The following ROBO1 variants were observed in gnomAD, a reference collection of about 807,000 sequenced individuals.
ROBO1 encodes roundabout guidance receptor 1.
A neutral mutation model predicts 195.9 loss-of-function variants in ROBO1; 149 were observed. That is an observed-to-expected ratio of 0.76 (90% CI 0.67 to 0.87). The LOEUF (loss-of-function observed/expected upper bound fraction) is 0.87, where lower values mean the gene tolerates loss of function less well. ROBO1 is among the 40% of genes least tolerant of loss of function. The pLI is 0.00. For synonymous variants in ROBO1, 816 were observed against 733.2 expected (o/e 1.11, Z -1.82); for missense variants, 1,933 against 2,068.3 (o/e 0.93, Z 1.27).
chr3:79,355,191 A>AAACAAAC (rs2035501087), intron 2 of ROBO1, among the ~76,000 whole-genome samples: 3 of 151,734 alleles, frequency 2.0e-5, no homozygotes, highest in Non-Finnish European at 4.4e-5. Flanking sequence ...AACAAACAAA[A>AAACAAAC]AAAAAACCAT....
Position 78,662,124 on chromosome 3 carries a change from G to A in ROBO1, c.1967-10C>T. On this transcript the variant is annotated splice_polypyrimidine_tract_variant and intron_variant, in intron 14 of 30. Coordinates refer to ENST00000464233, the MANE Select transcript of ROBO1 (RefSeq NM_002941.4). Reference sequence around the variant, plus strand: ...CTTGTTGGTAGGACATCTACAACAAGTCAAGAAAACTGTGTCAGGGTCTGC... The same window carrying A: ...CTTGTTGGTAGGACATCTACAACAAATCAAGAAAACTGTGTCAGGGTCTGC... 2 of 1,552,632 alleles carry A rather than the reference G, an allele frequency of 1.3e-6. No homozygotes were observed. The highest frequency in any genetic ancestry group is 1.7e-6 in the Non-Finnish European group (2 of 1,147,658).
chr3:78,726,141 C>T (rs2082156878), intron 5 of ROBO1, among the ~76,000 whole-genome samples: 1 of 152,132 alleles, frequency 6.6e-6, no homozygotes, highest in Non-Finnish European at 1.5e-5. Context: ...TTTCAAATTG[C>T]TAACCACCAA....
At chr3:79,744,297 G>A (rs1040658329) in intron 1 of ROBO1, among the ~76,000 whole-genome samples, 12 of 152,108 alleles carry the variant, frequency 7.9e-5, no homozygotes, top group Non-Finnish European at 1.3e-4. Context: ...GTGCATGACT[G>A]TATATAAATA....
intron 2 of ROBO1, among the ~76,000 whole-genome samples, chr3:79,300,886 T>C (rs1189724360): frequency 1.3e-5 from 2 of 151,528 alleles, no homozygotes; most frequent in African/African-American, 2.4e-5. Context: ...TGTATCTAGC[T>C]AATCTGTTGG....
At chr3:79,706,424 C>T (rs1947771469) in intron 1 of ROBO1, among the ~76,000 whole-genome samples, 1 of 151,920 alleles carries the variant, frequency 6.6e-6, no homozygotes, top group South Asian at 2.1e-4. Context: ...TCATCTTTAT[C>T]CTGTTGGTGT....
chr3:79,466,691 C>T (rs1488379963), intron 2 of ROBO1, among the ~76,000 whole-genome samples: 2 of 151,910 alleles, frequency 1.3e-5, no homozygotes. Flanking sequence ...AAACTGGTGG[C>T]ATAATGAGTG....
chr3:79,595,737 T>G (rs1944147066), intron 1 of ROBO1, among the ~76,000 whole-genome samples: 2 of 151,190 alleles, frequency 1.3e-5, no homozygotes, highest in South Asian at 2.1e-4. Context: ...TTTTTTTTTT[T>G]TTGTCGATAT....
chr3:79,279,548 G>A (rs769115993), intron 2 of ROBO1, among the ~76,000 whole-genome samples: 1 of 152,188 alleles, frequency 6.6e-6, no homozygotes, highest in East Asian at 1.9e-4. Flanking sequence ...CTACTATAAA[G>A]GTTCCTCAAA....
intron 2 of ROBO1, among the ~76,000 whole-genome samples, chr3:79,519,334 C>T (rs542867245): frequency 5.3e-5 from 8 of 151,954 alleles, no homozygotes; most frequent in Non-Finnish European, 1.0e-4. Flanking sequence ...AAATAGTTCT[C>T]ACTATAAGAA....
intron 2 of ROBO1, among the ~76,000 whole-genome samples, chr3:79,466,449 G>A (rs761417224): frequency 6.6e-6 from 1 of 152,120 alleles, no homozygotes. Context: ...CAAAGAGATC[G>A]ATACAGCTCA....
chr3:79,397,173 G>T (rs1163593413), intron 2 of ROBO1, among the ~76,000 whole-genome samples: 1 of 151,300 alleles, frequency 6.6e-6, no homozygotes, highest in Non-Finnish European at 1.5e-5. Context: ...ACTTTAAAAA[G>T]TGTTTTGGAA....
chr3:79,711,421 T>A (rs941619708), intron 1 of ROBO1, among the ~76,000 whole-genome samples: 1 of 152,198 alleles, frequency 6.6e-6, no homozygotes, highest in Non-Finnish European at 1.5e-5. Flanking sequence ...AGAATAAATA[T>A]AGCTCAGAAA....
At position 79,565,675 on chromosome 3, in the gene ROBO1, T is replaced by C. The variant is rs115225360; in HGVS notation, c.88+24149A>G. On this transcript the variant is annotated intron_variant, in intron 2 of 30. Transcript: ENST00000464233. Reference sequence around the variant, plus strand: ...TATGAGAGTGAAAGCTGACCTTAAGTCCTGAAGGGCTGACCAATTGTAGGG... The same window carrying C: ...TATGAGAGTGAAAGCTGACCTTAAGCCCTGAAGGGCTGACCAATTGTAGGG... 4.4e-3 allele frequency among the ~76,000 whole-genome samples: 662 copies of C among 152,138 alleles called. 3 individuals are homozygous for C. Among genetic ancestry groups the C allele is most frequent in the African/African-American group, 0.013 (547 of 41,554 alleles).
chr3:78,673,775 G>T (rs1388908566), intron 10 of ROBO1, among the ~76,000 whole-genome samples: 1 of 150,532 alleles, frequency 6.6e-6, no homozygotes, highest in Non-Finnish European at 1.5e-5. Flanking sequence ...ATATATTTAG[G>T]AAATAATTTT....
At chr3:78,915,788 G>A (rs2038526095) in intron 4 of ROBO1, among the ~76,000 whole-genome samples, 1 of 152,030 alleles carries the variant, frequency 6.6e-6, no homozygotes, top group African/African-American at 2.4e-5. Context: ...CACCCGAGTA[G>A]CTAGGACTAG....
chr3:79,323,130 G>A (rs957544189), intron 2 of ROBO1, among the ~76,000 whole-genome samples: 3 of 149,516 alleles, frequency 2.0e-5, no homozygotes, highest in African/African-American at 7.4e-5. Context: ...CACCCAGGCT[G>A]GAGTGCAGTG....
intron 2 of ROBO1, among the ~76,000 whole-genome samples, chr3:79,514,771 C>A (rs1422708810): frequency 2.0e-5 from 3 of 152,108 alleles, no homozygotes; most frequent in African/African-American, 7.2e-5. Context: ...TCAGCAAATT[C>A]AAACACAGAC....
chr3:79,029,299 T>A (rs1868194), intron 3 of ROBO1, among the ~76,000 whole-genome samples: 149,660 of 152,188 alleles, frequency 0.98, 73,597 homozygotes, highest in East Asian at 1. Context: ...AAATAATTTT[T>A]AAAAAGTCAT....
intron 2 of ROBO1, among the ~76,000 whole-genome samples, chr3:79,307,561 C>T (rs917946469): frequency 2.0e-5 from 3 of 151,900 alleles, no homozygotes; most frequent in Non-Finnish European, 2.9e-5. Context: ...AAGCTTGTTA[C>T]AATTATTTTT....
Sources: gnomAD v4.1 joint callset for allele counts (sites outside exome capture counted in the v4.1 genomes callset) on GRCh38, gnomAD v4.1.1 for gene constraint, MANE v1.5 for transcripts, NCBI Gene and HGNC (gene_info 2026-07-23, HGNC 2026-07-21) for gene names.